Variants in SLC24A3 observed in about 807,000 individuals in gnomAD.
SLC24A3 encodes solute carrier family 24 member 3.
SLC24A3 carries 28 observed loss-of-function variants against 75.8 expected under a neutral mutation model. The ratio of observed to expected loss-of-function variants is 0.37; its 90% CI spans 0.27 to 0.51. SLC24A3 has a LOEUF of 0.51. Among genes scored for constraint, SLC24A3 ranks in the 20% least tolerant of loss-of-function variants. SLC24A3 has a pLI of 0.94. For missense variants in SLC24A3, 663 were observed against 847.8 expected (o/e 0.78, Z 2.71); for synonymous variants, 372 against 334.1 (o/e 1.11, Z -1.24).
chr20:19,609,778 A>G (rs1163506800), intron 6 of SLC24A3, among the ~76,000 whole-genome samples: 4 of 152,200 alleles, frequency 2.6e-5, no homozygotes, highest in Non-Finnish European at 5.9e-5. Flanking sequence ...CTATCCTCAT[A>G]TTTATTAAGT....
At chr20:19,480,373 A>T (rs1988034118) in intron 2 of SLC24A3, among the ~76,000 whole-genome samples, 2 of 152,152 alleles carry the variant, frequency 1.3e-5, no homozygotes, top group African/African-American at 4.8e-5. Context: ...ATCATATTCT[A>T]CATTGTTCTC....
intron 3 of SLC24A3, among the ~76,000 whole-genome samples, chr20:19,541,736 A>G (rs1270827144): frequency 6.6e-6 from 1 of 152,230 alleles, no homozygotes; most frequent in East Asian, 1.9e-4. Context: ...ACTATTTTGA[A>G]AAAAGTCAGG....
intron 6 of SLC24A3, among the ~76,000 whole-genome samples, chr20:19,612,328 G>A (rs2031681075): frequency 6.6e-6 from 1 of 152,188 alleles, no homozygotes; most frequent in Non-Finnish European, 1.5e-5. Flanking sequence ...ACGGGAGGAA[G>A]AAGCTCTGGC....
chr20:19,234,494 G>A (rs1228950306), intron 1 of SLC24A3, among the ~76,000 whole-genome samples: 1 of 152,254 alleles, frequency 6.6e-6, no homozygotes, highest in Admixed American at 6.5e-5. Context: ...TTCTATGCTA[G>A]TGAAGCACAG....
intron 2 of SLC24A3, among the ~76,000 whole-genome samples, chr20:19,325,771 TATATAC>T (rs1179366691): frequency 0.057 from 3,869 of 68,154 alleles, 217 homozygotes; most frequent in African/African-American, 0.19. Context: ...CATACATATA[TATATAC>T]ATATATATAT....
At chr20:19,563,309 G>C (rs1315516203) in intron 3 of SLC24A3, among the ~76,000 whole-genome samples, 1 of 152,068 alleles carries the variant, frequency 6.6e-6, no homozygotes, top group Non-Finnish European at 1.5e-5. Flanking sequence ...TGTGTTCACT[G>C]TCTAAATATT....
chr20:19,686,623 G>C (rs2122744516), intron 12 of SLC24A3, among the ~76,000 whole-genome samples: 1 of 152,306 alleles, frequency 6.6e-6, no homozygotes, highest in South Asian at 2.1e-4. Context: ...ATAGGACATG[G>C]TGCCGAGTGT....
At chr20:19,636,146 A>G (rs1034434065) in intron 6 of SLC24A3, among the ~76,000 whole-genome samples, 1 of 68,070 alleles carries the variant, frequency 1.5e-5, no homozygotes, top group Non-Finnish European at 2.5e-5. Context: ...TCTCAAAAAA[A>G]GAAAGAAAGA....
intron 6 of SLC24A3, among the ~76,000 whole-genome samples, chr20:19,648,910 G>C (rs1458184245): frequency 6.6e-6 from 1 of 152,192 alleles, no homozygotes; most frequent in Non-Finnish European, 1.5e-5. Flanking sequence ...AGCTATAGGG[G>C]GAAAATAGAG....
At chr20:19,509,197 G>A (rs1988501540) in intron 2 of SLC24A3, among the ~76,000 whole-genome samples, 1 of 152,240 alleles carries the variant, frequency 6.6e-6, no homozygotes, top group African/African-American at 2.4e-5. Flanking sequence ...GCCCGGTGTG[G>A]CACAGAAGGA....
intron 2 of SLC24A3, among the ~76,000 whole-genome samples, chr20:19,307,058 T>C (rs1984350508): frequency 6.6e-6 from 1 of 151,982 alleles, no homozygotes. Context: ...TTGGTTGGAG[T>C]GGGGTCAGCA....
At position 19,264,739 on chromosome 20, in the gene SLC24A3, A is replaced by C. The variant is rs934259658; in HGVS notation, c.143-16220A>C. Among the ~76,000 whole-genome samples, 7 of 151,218 alleles carry C rather than the reference A, an allele frequency of 4.6e-5. No homozygotes were observed. In the South Asian group the frequency reaches 1.0e-3, roughly 23 times the overall value. On this transcript the variant is annotated intron_variant, in intron 1 of 16. Transcript: ENST00000328041. ...GCGAGACTCCATCTCAAAAAAAAAA[A>C]AAAAAACAAAACAAAAACGTGCAGC...
At position 19,565,439 on chromosome 20, in the gene SLC24A3, G is replaced by T. The variant is rs571948189; in HGVS notation, c.349-14561G>T. ...GGGTCAAATAACCAATGATTGATTG[G>T]TATAGTAGTAGGAAAGTCCAGCTGC... is the stretch of plus-strand genomic sequence containing the variant. On this transcript the variant is annotated intron_variant, in intron 3 of 16. Coordinates refer to ENST00000328041, the MANE Select transcript of SLC24A3 (RefSeq NM_020689.4). Among the ~76,000 whole-genome samples the T allele has an allele frequency of 1.6e-4, 25 of 152,138 alleles. 1 individual carries two copies. In the East Asian group the frequency reaches 4.8e-3, roughly 29 times the overall value.
intron 3 of SLC24A3, among the ~76,000 whole-genome samples, chr20:19,551,008 G>A (rs2030685313): frequency 6.6e-6 from 1 of 152,256 alleles, no homozygotes. Flanking sequence ...TTAGCGTGCT[G>A]TTTGGCCACA....
intron 2 of SLC24A3, among the ~76,000 whole-genome samples, chr20:19,470,924 T>G (rs181410324): frequency 8.2e-4 from 124 of 152,068 alleles, no homozygotes; most frequent in Admixed American, 2.8e-3. Context: ...CAAAACACTG[T>G]GGGGGTTCGA....
intron 15 of SLC24A3, among the ~76,000 whole-genome samples, chr20:19,707,635 T>C (rs1327772539): frequency 3.9e-5 from 6 of 152,178 alleles, no homozygotes; most frequent in Non-Finnish European, 8.8e-5. Flanking sequence ...GAGATTCTTT[T>C]TAAGGAAGAA....
chr20:19,590,948 C>A (rs2031366759), intron 6 of SLC24A3, among the ~76,000 whole-genome samples: 1 of 152,176 alleles, frequency 6.6e-6, no homozygotes, highest in African/African-American at 2.4e-5. Context: ...GTAGACAGTC[C>A]TGCTGAGGCC....
chr20:19,602,408 G>A (rs2031538618), intron 6 of SLC24A3, among the ~76,000 whole-genome samples: 1 of 151,992 alleles, frequency 6.6e-6, no homozygotes, highest in Non-Finnish European at 1.5e-5. Context: ...CCACACACAA[G>A]CCCCCACAGT....
chr20:19,283,644 CCCCGGGTCTTAGAGTCACACTGA>C (rs1226883950), intron 2 of SLC24A3, among the ~76,000 whole-genome samples: 1 of 152,188 alleles, frequency 6.6e-6, no homozygotes. Flanking sequence ...CTTATCTCTA[CCCCGGGTCTTAGAGTCACACTGA>C]CCTGAAGCTG....
Sources: gnomAD v4.1 joint callset for allele counts (sites outside exome capture counted in the v4.1 genomes callset) on GRCh38, gnomAD v4.1.1 for gene constraint, MANE v1.5 for transcripts, NCBI Gene and HGNC (gene_info 2026-07-23, HGNC 2026-07-21) for gene names.